Variants in SLCO1B1 observed in about 807,000 individuals in gnomAD.
SLCO1B1 encodes the protein solute carrier organic anion transporter family member 1B1.
SLCO1B1 carries 81 observed loss-of-function variants against 70.1 expected under a neutral mutation model. The ratio of observed to expected loss-of-function variants is 1.16; its 90% CI spans 0.97 to 1.39. SLCO1B1 has a LOEUF of 1.39. SLCO1B1 is among the 40% of genes most tolerant of loss of function. The pLI, the probability that SLCO1B1 is intolerant of heterozygous loss-of-function variation, is 0.00. For synonymous variants in SLCO1B1, 283 were observed against 271.5 expected (o/e 1.04, Z -0.42); for missense variants, 895 against 799.6 (o/e 1.12, Z -1.44).
At position 21,234,792 on chromosome 12, in the gene SLCO1B1, T is replaced by G. The variant is rs1339031099; in HGVS notation, c.1866-4187T>G. ...AAATTGTGTTCTGCTCTAATTTTGT[T>G]ATTTACCCAAAAGTAATTCAGGACC... On this transcript the variant is annotated intron_variant, in intron 14 of 14. Coordinates refer to ENST00000256958, the MANE Select transcript of SLCO1B1 (RefSeq NM_006446.5). 2.0e-5 allele frequency among the ~76,000 whole-genome samples: 3 copies of G among 152,200 alleles called. No individual in the cohort carries two copies. The South Asian group carries it at 6.2e-4, about 31-fold the overall frequency.
At chr12:21,214,125 G>A (rs191030932) in intron 11 of SLCO1B1, among the ~76,000 whole-genome samples, 1 of 152,306 alleles carries the variant, frequency 6.6e-6, no homozygotes, top group East Asian at 1.9e-4. Context: ...TCCTTTGGAG[G>A]AGGAGAGGTG....
At chr12:21,199,037 A>G (rs1414485783) in intron 8 of SLCO1B1, among the ~76,000 whole-genome samples, 1 of 152,116 alleles carries the variant, frequency 6.6e-6, no homozygotes, top group African/African-American at 2.4e-5. Context: ...ACTTTTGCCC[A>G]AGAATTTTAA....
In SLCO1B1 at chr12:21,145,473, A is replaced by ATT. The variant is rs35334634; in HGVS notation, c.84+3840_84+3841dup. Among the ~76,000 whole-genome samples the ATT allele has an allele frequency of 2.0e-3, 150 of 76,088 alleles. 24 individuals are homozygous for ATT. Among genetic ancestry groups the ATT allele is most frequent in the African/African-American group, 2.9e-3 (52 of 17,996 alleles). 49.9% of individuals were successfully genotyped at this position (76,088 alleles called of 152,430 possible). On this transcript the variant is annotated intron_variant, in intron 2 of 14. Coordinates refer to ENST00000256958, the MANE Select transcript of SLCO1B1 (RefSeq NM_006446.5). ...TGCCACTTCACCCAGCATTTTTTTCATTTTTTTTTTTTTTTTTTTTTTTTT... is the reference window on the plus strand; with the variant it reads ...TGCCACTTCACCCAGCATTTTTTTCATTTTTTTTTTTTTTTTTTTTTTTTTTT...
chr12:21,167,900 G>A (rs535234340), intron 2 of SLCO1B1, among the ~76,000 whole-genome samples: 16 of 146,628 alleles, frequency 1.1e-4, no homozygotes, highest in African/African-American at 3.0e-4. Flanking sequence ...CACTGCAACC[G>A]CCGCCTCCTG....
chr12:21,218,936 C>T (rs1941391760), intron 12 of SLCO1B1, among the ~76,000 whole-genome samples: 1 of 152,156 alleles, frequency 6.6e-6, no homozygotes. Context: ...TAATGCTTAA[C>T]ACTATGAAGC....
intron 7 of SLCO1B1, among the ~76,000 whole-genome samples, chr12:21,194,205 C>T (rs149302487): frequency 0.037 from 5,576 of 151,286 alleles, 150 homozygotes; most frequent in Middle Eastern, 0.056. Context: ...TTAGTGGAGA[C>T]GGGGTTTCTC....
chr12:21,131,873 C>T (rs980654256), intron 1 of SLCO1B1, among the ~76,000 whole-genome samples: 1 of 152,010 alleles, frequency 6.6e-6, no homozygotes, highest in Non-Finnish European at 1.5e-5. Context: ...TTTTAGGGTA[C>T]ATGTGCACAA....
At chr12:21,218,032 G>T (rs1261206591) in intron 12 of SLCO1B1, among the ~76,000 whole-genome samples, 1 of 152,154 alleles carries the variant, frequency 6.6e-6, no homozygotes, top group Admixed American at 6.6e-5. Flanking sequence ...GTTAATTTAG[G>T]ATTGAGGTGG....
intron 14 of SLCO1B1, among the ~76,000 whole-genome samples, chr12:21,232,476 A>C (rs1941548701): frequency 6.6e-6 from 1 of 152,192 alleles, no homozygotes; most frequent in Non-Finnish European, 1.5e-5. Flanking sequence ...TCAGGAACAC[A>C]CAGCAAAGTT....
chr12:21,147,182 T>C (rs866999576), intron 2 of SLCO1B1, among the ~76,000 whole-genome samples: 3 of 152,190 alleles, frequency 2.0e-5, no homozygotes, highest in Non-Finnish European at 4.4e-5. Context: ...CGTTTTTACC[T>C]CTGTTAATTT....
At chr12:21,223,009 A>G (rs1941445272) in intron 13 of SLCO1B1, among the ~76,000 whole-genome samples, 1 of 152,102 alleles carries the variant, frequency 6.6e-6, no homozygotes, top group African/African-American at 2.4e-5. Context: ...GTGTGTCTCT[A>G]ATCTCCCAGA....
intron 7 of SLCO1B1, among the ~76,000 whole-genome samples, chr12:21,194,878 G>C (rs961510000): frequency 2.0e-5 from 3 of 152,218 alleles, no homozygotes; most frequent in African/African-American, 7.2e-5. Context: ...ACCCCAAGGA[G>C]CTTTTACTCC....
intron 2 of SLCO1B1, among the ~76,000 whole-genome samples, chr12:21,171,676 A>G (rs1203230827): frequency 6.6e-6 from 1 of 152,180 alleles, no homozygotes; most frequent in Non-Finnish European, 1.5e-5. Flanking sequence ...GGCTGACAGA[A>G]TAGAATAGAC....
At chr12:21,191,746 G>T (rs551467267) in intron 7 of SLCO1B1, among the ~76,000 whole-genome samples, 1 of 152,034 alleles carries the variant, frequency 6.6e-6, no homozygotes. Flanking sequence ...TGAATTTAAT[G>T]CTAGCTGTGA....
chr12:21,160,329 T>A (rs1285209623), intron 2 of SLCO1B1, among the ~76,000 whole-genome samples: 1 of 152,004 alleles, frequency 6.6e-6, no homozygotes, highest in Admixed American at 6.6e-5. Flanking sequence ...GCCGCATGCC[T>A]ATGAACATTT....
intron 10 of SLCO1B1, 49 bp downstream of exon 10, chr12:21,202,735 T>G: frequency 7.1e-7 from 1 of 1,413,712 alleles, no homozygotes. Context: ...ACCATCAAAT[T>G]AAGAGTCTCT....
intron 10 of SLCO1B1, among the ~76,000 whole-genome samples, chr12:21,205,242 T>C (rs1464095141): frequency 6.6e-6 from 1 of 151,970 alleles, no homozygotes; most frequent in Admixed American, 6.6e-5. Context: ...TAATCATATT[T>C]TATAATTTAT....
chr12:21,187,454 A>T (rs1262714948), intron 7 of SLCO1B1, among the ~76,000 whole-genome samples: 1 of 152,082 alleles, frequency 6.6e-6, no homozygotes, highest in African/African-American at 2.4e-5. Flanking sequence ...GAAAGCCCAT[A>T]AGTTCAACAT....
At chr12:21,148,865 T>C (rs1565666221) in intron 2 of SLCO1B1, among the ~76,000 whole-genome samples, 2 of 152,170 alleles carry the variant, frequency 1.3e-5, no homozygotes, top group East Asian at 3.9e-4. Flanking sequence ...GCATAGAATG[T>C]TTTTCCATTT....
Sources: gnomAD v4.1 joint callset for allele counts (sites outside exome capture counted in the v4.1 genomes callset) on GRCh38, gnomAD v4.1.1 for gene constraint, MANE v1.5 for transcripts, NCBI Gene and HGNC (gene_info 2026-07-23, HGNC 2026-07-21) for gene names.